Variants in TRIM48 observed in about 807,000 individuals in gnomAD.
The protein encoded by TRIM48 is E3 ubiquitin-protein ligase TRIM48.
TRIM48 carries 31 observed loss-of-function variants against 29.5 expected under a neutral mutation model. The observed-to-expected ratio is 1.05, with a 90% CI of 0.79 to 1.42. The LOEUF (loss-of-function observed/expected upper bound fraction) is 1.42. Ranked by LOEUF, TRIM48 falls within the 40% of genes most tolerant of loss-of-function variation. TRIM48 has a pLI of 0.00. For synonymous variants in TRIM48, 128 were observed against 90.6 expected (o/e 1.41, Z -2.34); for missense variants, 344 against 265.0 (o/e 1.30, Z -2.07).
Position 55,267,375 on chromosome 11 carries a change from T to G in TRIM48, c.556-975T>G, listed in dbSNP as rs771578685. 1.6e-4 allele frequency: 251 copies of G among 1,555,284 alleles called. 20 individuals carry two copies. The highest frequency in any genetic ancestry group is 4.7e-4 in the Admixed American group (27 of 57,924). ...ATTTAATAGGAGATGGATATATACA[T>G]TTCTCTTTTGACTAACCCATTATTA... On this transcript the variant is annotated intron_variant, in intron 3 of 5. Coordinates refer to ENST00000417545, the MANE Select transcript of TRIM48 (RefSeq NM_024114.5).
At chr11:55,264,803 T>C in intron 1 of TRIM48, 97 bp from the exon 2 acceptor site, 2 of 1,506,264 alleles carry the variant, frequency 1.3e-6, no homozygotes, top group Non-Finnish European at 1.8e-6. Flanking sequence ...ATGAACACTG[T>C]CAAGAGAAGA....
intron 1 of TRIM48, among the ~76,000 whole-genome samples, 184 bp downstream of exon 1, chr11:55,262,495 C>T (rs956550063): frequency 6.6e-6 from 1 of 151,980 alleles, no homozygotes; most frequent in African/African-American, 2.4e-5. Context: ...TTCTATCATT[C>T]TTCAATATAG....
chr11:55,270,140 G>T lies in TRIM48; in HGVS notation c.*2-297G>T, dbSNP rs943949624. Among the ~76,000 whole-genome samples the T allele has an allele frequency of 2.7e-5, 4 of 148,138 alleles. 1 individual carries two copies. The highest frequency in any genetic ancestry group is 3.0e-5 in the Non-Finnish European group (2 of 66,980). ...TTGATAACAGCATAGCATTTAGGGCGTATAATGTGCAAATTTTGCTTTGAA... is the reference window on the plus strand; with the variant it reads ...TTGATAACAGCATAGCATTTAGGGCTTATAATGTGCAAATTTTGCTTTGAA... On this transcript the variant is annotated intron_variant, in intron 5 of 5. Transcript: ENST00000417545.
rs753138541 is a variant in TRIM48, at chr11:55,269,248, G to A, written c.585G>A (p.Glu195=). 7.0e-6 allele frequency: 11 copies of A among 1,574,414 alleles called. 3 individuals carry two copies. The South Asian group carries it at 1.3e-4, about 19-fold the overall frequency. The change falls in exon 5 of 6, where the codon GAG becomes GAA. Residue 195 remains glutamate (E), a synonymous_variant. Transcript: ENST00000417545. The part of the protein sequence containing the change: ...KAFGDILYRS[E]SVLLHMPQPL... The stretch of plus-strand genomic sequence containing the variant: ...TGCAGGTTTTTCCTTGCAGGAGTGA[G>A]TCCGTGCTGCTGCACATGCCCCAGC...
chr11:55,269,185 G>A lies in TRIM48; in HGVS notation c.579-57G>A, dbSNP rs1857437930. 2 of 1,543,468 alleles carry A rather than the reference G, an allele frequency of 1.3e-6. 1 individual carries two copies. The highest frequency in any genetic ancestry group is 4.9e-5 in the East Asian group (2 of 40,436). The stretch of plus-strand genomic sequence containing the variant: ...ATGAAATGTCTTTTAAACACAAGTA[G>A]TGATTTTTATTTATTTTATGGCTGT... On this transcript the variant is annotated intron_variant, in intron 4 of 5. Transcript: ENST00000417545.
chr11:55,267,696 C>T (rs1857414525), intron 3 of TRIM48: 1 of 1,543,534 alleles, frequency 6.5e-7, no homozygotes, highest in Non-Finnish European at 8.7e-7. Flanking sequence ...AAGTATTTTC[C>T]TCATGGCTGA....
chr11:55,267,927 CAT>C (rs1157158244), intron 3 of TRIM48, among the ~76,000 whole-genome samples: 1 of 147,758 alleles, frequency 6.8e-6, no homozygotes, highest in East Asian at 2.2e-4. Context: ...GGTTGTCAAA[CAT>C]GTATAAAATA....
rs533190576 is a variant in TRIM48 at position 55,267,610 on chromosome 11, G to T, written c.556-740G>T. 7.7e-6 allele frequency: 12 copies of T among 1,562,410 alleles called. 1 individual carries two copies. The highest frequency in any genetic ancestry group is 1.0e-5 in the Non-Finnish European group (12 of 1,149,544). Reference sequence around the variant, plus strand: ...ATGTAAGCGGAGCTGATGAAAATGTGCCATAAACCACATGTGGAGCTACTT... The same window carrying T: ...ATGTAAGCGGAGCTGATGAAAATGTTCCATAAACCACATGTGGAGCTACTT... On this transcript the variant is annotated intron_variant, in intron 3 of 5. Coordinates refer to ENST00000417545, the MANE Select transcript of TRIM48 (RefSeq NM_024114.5).
rs1857471495 is a variant in TRIM48, at chr11:55,270,731, A to G, written c.*296A>G. ...CTCTTTAGTCTTGGGTGTGTTAAGA[A>G]CGACATTCAGTGCAGTCTCTTTACC... On this transcript the variant is annotated 3_prime_UTR_variant, in exon 6 of 6. Transcript: ENST00000417545. 6.4e-7 allele frequency: 1 copy of G among 1,566,254 alleles called. No homozygotes were observed. The highest frequency in any genetic ancestry group is 1.4e-5 in the African/African-American group (1 of 73,118).
rs770378253 is a variant in TRIM48 at position 55,265,319 on chromosome 11, G to A, written c.459+5G>A. ...TGGGCTGCTGAGGAACACTGGGTAA[G>A]TGATGCCTCTGAAGATCTATTTCTA... On this transcript the variant is annotated splice_donor_5th_base_variant and intron_variant, in intron 2 of 5. Transcript: ENST00000417545. 2 of 1,582,246 alleles carry A rather than the reference G, an allele frequency of 1.3e-6. No homozygotes were observed. Among genetic ancestry groups the A allele is most frequent in the Non-Finnish European group, 8.6e-7 (1 of 1,166,076 alleles).
At chr11:55,268,560 G>C (rs1857428420) in intron 4 of TRIM48, among the ~76,000 whole-genome samples, 188 bp downstream of exon 4, 1 of 147,242 alleles carries the variant, frequency 6.8e-6, no homozygotes, top group Non-Finnish European at 1.5e-5. Flanking sequence ...AAATAGTGAA[G>C]TAAAATTTTA....
rs3213870 is a variant in TRIM48, at chr11:55,270,899, T to C, written c.*464T>C. The C allele has an allele frequency of 0.6, 937,819 of 1,556,482 alleles. 322,768 individuals carry two copies. Among genetic ancestry groups the C allele is most frequent in the Admixed American group, 0.72 (41,552 of 57,764 alleles). On this transcript the variant is annotated 3_prime_UTR_variant, in exon 6 of 6. Coordinates refer to ENST00000417545, the MANE Select transcript of TRIM48 (RefSeq NM_024114.5). ...ACCATCCCTAATTGCTCCTTCTCAC[T>C]TCCTCTCAGACCTATCTTTTTCTGT...
intron 5 of TRIM48, 78 bp downstream of exon 5, chr11:55,269,417 C>CT: frequency 6.7e-7 from 1 of 1,497,966 alleles, no homozygotes; most frequent in Non-Finnish European, 9.0e-7. Context: ...ATATTTCATC[C>CT]TTTATCAAAT....
At position 55,265,653 on chromosome 11, in the gene TRIM48, G is replaced by C; in HGVS notation, c.513G>C (p.Gln171His). ...TATGGGAAAAAGCTTGTGAAAATCA[G>C]AGAAACCTGAATGTGGAAACCACCA... is the stretch of plus-strand genomic sequence containing the variant. The part of the protein sequence containing the change: ...QSLWEKACEN[Q>H]RNLNVETTRI... The change falls in exon 3 of 6, where the codon CAG (glutamine) becomes CAC (histidine). Residue 171 changes from glutamine to histidine, a missense_variant. By Grantham distance (24) the Gln-to-His change is conservative. Transcript: ENST00000417545. The C allele has an allele frequency of 6.3e-7, 1 of 1,581,724 alleles. No individual in the cohort carries two copies. Among genetic ancestry groups the C allele is most frequent in the African/African-American group, 1.4e-5 (1 of 73,288 alleles).
rs765627207 is a variant in TRIM48, at chr11:55,268,349, G to A, written c.556-1G>A. 1.2e-5 allele frequency: 18 copies of A among 1,545,176 alleles called. 2 individuals carry two copies. The highest frequency in any genetic ancestry group is 1.4e-5 in the Non-Finnish European group (16 of 1,137,662). ...AATCTTTCTATTTTTTTTTTTTACAGGCTTTTGGAGACATATTATACAGGT... is the reference window on the plus strand; with the variant it reads ...AATCTTTCTATTTTTTTTTTTTACAAGCTTTTGGAGACATATTATACAGGT... On this transcript the variant is annotated splice_acceptor_variant, in intron 3 of 5. Coordinates refer to ENST00000417545, the MANE Select transcript of TRIM48 (RefSeq NM_024114.5). LOFTEE classifies it high-confidence loss of function.
intron 3 of TRIM48, among the ~76,000 whole-genome samples, chr11:55,266,872 A>G (rs1381385984): frequency 6.8e-6 from 1 of 147,402 alleles, no homozygotes; most frequent in South Asian, 2.4e-4. Flanking sequence ...TATGTTTCAG[A>G]TTGGGATGAC....
At chr11:55,268,056 G>C (rs1232719054) in intron 3 of TRIM48, among the ~76,000 whole-genome samples, 1 of 147,660 alleles carries the variant, frequency 6.8e-6, no homozygotes, top group East Asian at 2.2e-4. Flanking sequence ...AATAGGTTCT[G>C]GGAAAGATGA....
chr11:55,267,470 C>G, intron 3 of TRIM48: 1 of 1,578,994 alleles, frequency 6.3e-7, no homozygotes, highest in South Asian at 1.2e-5. Context: ...TGCATTTCAT[C>G]ATGAAGAAGA....
At position 55,269,251 on chromosome 11, in the gene TRIM48, C is replaced by G; in HGVS notation, c.588C>G (p.Ser196=). 6.4e-7 allele frequency: 1 copy of G among 1,574,630 alleles called. No homozygotes were observed. The highest frequency in any genetic ancestry group is 1.4e-5 in the African/African-American group (1 of 73,666). ...AFGDILYRSE[S]VLLHMPQPLN... ...AGGTTTTTCCTTGCAGGAGTGAGTC[C>G]GTGCTGCTGCACATGCCCCAGCCTC... Residue 196 remains serine, a synonymous_variant, in exon 5 of 6, where the codon TCC becomes TCG. Coordinates refer to ENST00000417545, the MANE Select transcript of TRIM48 (RefSeq NM_024114.5).
Sources: gnomAD v4.1 joint callset for allele counts (sites outside exome capture counted in the v4.1 genomes callset) on GRCh38, gnomAD v4.1.1 for gene constraint, MANE v1.5 for transcripts, NCBI Gene and HGNC (gene_info 2026-07-23, HGNC 2026-07-21) for gene names.